TTC9: variants seen among roughly 807,000 people sequenced by gnomAD.
TTC9 encodes the protein tetratricopeptide repeat domain 9.
Under a neutral mutation model 22.9 loss-of-function variants are expected in TTC9, and 13 were observed. That is an observed-to-expected ratio of 0.57 (90% CI 0.37 to 0.90). TTC9 has a LOEUF of 0.90. Ranked by LOEUF, TTC9 falls within the 40% of genes least tolerant of loss-of-function variation. TTC9 has a pLI of 0.01. For synonymous variants in TTC9, 148 were observed against 133.2 expected, an observed-to-expected ratio of 1.11 and a Z score of -0.77; for missense variants, 280 against 291.8, an observed-to-expected ratio of 0.96 and a Z score of 0.29.
chr14:70,667,815 G>T, intron 2 of TTC9, 69 bp downstream of exon 2: 1 of 1,491,200 alleles, frequency 6.7e-7, no homozygotes, highest in Non-Finnish European at 9.0e-7. Flanking sequence ...TCTCATTTCA[G>T]CAGTTTTCTT....
intron 1 of TTC9, among the ~76,000 whole-genome samples, chr14:70,647,977 G>A (rs1259629067): frequency 6.6e-6 from 1 of 152,170 alleles, no homozygotes; most frequent in Admixed American, 6.5e-5. Flanking sequence ...AGAACAAAGG[G>A]TATTCAACAG....
chr14:70,655,530 T>TTA, intron 1 of TTC9, among the ~76,000 whole-genome samples: 1 of 152,226 alleles, frequency 6.6e-6, no homozygotes, highest in South Asian at 2.1e-4. Flanking sequence ...ATCATTTATA[T>TTA]GTAAAACAAA....
intron 1 of TTC9, among the ~76,000 whole-genome samples, chr14:70,662,878 G>A (rs895139855): frequency 2.0e-4 from 30 of 152,152 alleles, no homozygotes; most frequent in Admixed American, 1.4e-3. Context: ...AACACTTCTC[G>A]ACAATCAGGA....
chr14:70,648,688 A>G (rs772810995), intron 1 of TTC9, among the ~76,000 whole-genome samples: 1 of 152,212 alleles, frequency 6.6e-6, no homozygotes, highest in Non-Finnish European at 1.5e-5. Context: ...TGAAAACTGA[A>G]TGTTTCAATC....
At chr14:70,652,874 C>A (rs1886005662) in intron 1 of TTC9, among the ~76,000 whole-genome samples, 1 of 152,220 alleles carries the variant, frequency 6.6e-6, no homozygotes, top group Non-Finnish European at 1.5e-5. Flanking sequence ...GGGGGTATCC[C>A]ATGAGTGCCC....
In TTC9 at chr14:70,653,943, G is replaced by A. The variant is rs565960329; in HGVS notation, c.406+11408G>A. ...GAGACATCCGACAGAGAAGCCATGG[G>A]GCTGGCAGCCTCGGGACTGCCCCAC... On this transcript the variant is annotated intron_variant, in intron 1 of 2. Coordinates refer to ENST00000256367, the MANE Select transcript of TTC9 (RefSeq NM_015351.2). 5.4e-4 allele frequency among the ~76,000 whole-genome samples: 82 copies of A among 152,298 alleles called. 1 individual carries two copies. In the South Asian group the frequency reaches 5.8e-3, roughly 11 times the overall value.
At chr14:70,647,005 CT>C (rs1370922968) in intron 1 of TTC9, among the ~76,000 whole-genome samples, 2 of 152,168 alleles carry the variant, frequency 1.3e-5, no homozygotes, top group Non-Finnish European at 2.9e-5. Flanking sequence ...AAGCTTTTCT[CT>C]TTCTTTTGTT....
intron 1 of TTC9, among the ~76,000 whole-genome samples, chr14:70,652,865 G>A (rs182677555): frequency 1.3e-5 from 2 of 152,334 alleles, no homozygotes; most frequent in African/African-American, 4.8e-5. Context: ...TACAGAGAGG[G>A]GGGTATCCCA....
At chr14:70,668,435 G>A (rs1211908919) in intron 2 of TTC9, among the ~76,000 whole-genome samples, 1 of 152,098 alleles carries the variant, frequency 6.6e-6, no homozygotes, top group Non-Finnish European at 1.5e-5. Flanking sequence ...ACCCAGGGAG[G>A]GGCTCTCTAC....
chr14:70,668,468 C>A (rs1330985411), intron 2 of TTC9, among the ~76,000 whole-genome samples: 1 of 152,116 alleles, frequency 6.6e-6, no homozygotes, highest in Non-Finnish European at 1.5e-5. Context: ...AGAAGTCAAC[C>A]AGTAAACAAG....
intron 1 of TTC9, among the ~76,000 whole-genome samples, chr14:70,656,086 T>A (rs1200951974): frequency 6.6e-6 from 1 of 152,128 alleles, no homozygotes; most frequent in Non-Finnish European, 1.5e-5. Context: ...CTGAAGCAGT[T>A]GATGAAGCCA....
chr14:70,668,776 G>T (rs1390679547), intron 2 of TTC9, among the ~76,000 whole-genome samples: 1 of 150,722 alleles, frequency 6.6e-6, no homozygotes, highest in Non-Finnish European at 1.5e-5. Context: ...ACCTGAACCT[G>T]GAAGGCGGAG....
At position 70,672,409 on chromosome 14, in the gene TTC9, T is replaced by G. The variant is rs1291206928; in HGVS notation, c.*1254T>G. On this transcript the variant is annotated 3_prime_UTR_variant, in exon 3 of 3. Transcript: ENST00000256367. ...CCTGATGTCTGTGCTCGTTATGCTATGCCATGTTGCTTCAGTCAAACAAGA... is the reference window on the plus strand; with the variant it reads ...CCTGATGTCTGTGCTCGTTATGCTAGGCCATGTTGCTTCAGTCAAACAAGA... 1 of 152,254 alleles carries G rather than the reference T, an allele frequency of 6.6e-6. No homozygotes were observed. Among genetic ancestry groups the G allele is most frequent in the Non-Finnish European group, 1.5e-5 (1 of 68,042 alleles). The allele number at this position is 152,254 out of a possible 1,614,324, so 9.4% of individuals were successfully genotyped here. A position where few individuals can be genotyped will look rare whatever the true frequency, so the allele number is the denominator to read the frequency against.
At chr14:70,659,148 A>G (rs771196829) in intron 1 of TTC9, among the ~76,000 whole-genome samples, 47 of 152,060 alleles carry the variant, frequency 3.1e-4, no homozygotes, top group Admixed American at 6.6e-4. Flanking sequence ...ACACACACAC[A>G]CACACACACA....
rs778492861 is a variant in TTC9, at chr14:70,642,396, G to T, written c.267G>T (p.Gly89=). 4 of 1,602,128 alleles carry T rather than the reference G, an allele frequency of 2.5e-6. No individual in the cohort carries two copies. The highest frequency in any genetic ancestry group is 1.3e-5 in the African/African-American group (1 of 74,172). The change falls in exon 1 of 3, where the codon GGG becomes GGT. Residue 89 remains glycine (G), a synonymous_variant. Coordinates refer to ENST00000256367, the MANE Select transcript of TTC9 (RefSeq NM_015351.2). ...ACCGGGCGTTGCTGGAGCTGAAGGG[G>T]CTGCTGCCGCCCCCCGGGGAACGGG... The part of the protein sequence containing the change: ...KYHRALLELK[G]LLPPPGERER...
Position 70,672,084 on chromosome 14 carries a change from C to G in TTC9, c.*929C>G, listed in dbSNP as rs1886305549. 1 of 152,254 alleles carries G rather than the reference C, an allele frequency of 6.6e-6. No individual in the cohort carries two copies. Among genetic ancestry groups the G allele is most frequent in the Admixed American group, 6.5e-5 (1 of 15,288 alleles). 9.4% of individuals were successfully genotyped at this position (152,254 alleles called of 1,614,324 possible). ...ACTCCCTCACTTTTACTCCTTCCTC[C>G]AACCCTCAATCAGAGCTACTTACAG... On this transcript the variant is annotated 3_prime_UTR_variant, in exon 3 of 3. Coordinates refer to ENST00000256367, the MANE Select transcript of TTC9 (RefSeq NM_015351.2).
At chr14:70,656,314 T>C (rs1440918405) in intron 1 of TTC9, among the ~76,000 whole-genome samples, 1 of 152,114 alleles carries the variant, frequency 6.6e-6, no homozygotes, top group African/African-American at 2.4e-5. Flanking sequence ...TTTCCACCAG[T>C]GTTTTCATTG....
At chr14:70,656,121 T>C (rs1886061953) in intron 1 of TTC9, among the ~76,000 whole-genome samples, 1 of 152,004 alleles carries the variant, frequency 6.6e-6, no homozygotes, top group Admixed American at 6.6e-5. Context: ...GATAATTTAT[T>C]CCTTTAAACT....
chr14:70,646,975 G>T (rs1263919989), intron 1 of TTC9, among the ~76,000 whole-genome samples: 1 of 152,168 alleles, frequency 6.6e-6, no homozygotes, highest in Non-Finnish European at 1.5e-5. Context: ...AGGAAGTGTC[G>T]CTAAAGATCC....
Sources: gnomAD v4.1 joint callset for allele counts (sites outside exome capture counted in the v4.1 genomes callset) on GRCh38, gnomAD v4.1.1 for gene constraint, MANE v1.5 for transcripts, NCBI Gene and HGNC (gene_info 2026-07-23, HGNC 2026-07-21) for gene names.